JPH3: variants seen among roughly 807,000 people sequenced by gnomAD.
JPH3 encodes junctophilin 3.
JPH3 carries 11 observed loss-of-function variants against 59.6 expected under a neutral mutation model. The ratio of observed to expected loss-of-function variants is 0.18; its 90% CI spans 0.12 to 0.31. The LOEUF (loss-of-function observed/expected upper bound fraction) is 0.31. Among genes scored for constraint, JPH3 ranks in the 10% least tolerant of loss-of-function variants. JPH3 has a pLI of 1.00. For synonymous variants in JPH3, 673 were observed against 483.6 expected, an observed-to-expected ratio of 1.39 and a Z score of -5.14; for missense variants, 1,202 against 1,105.7, an observed-to-expected ratio of 1.09 and a Z score of -1.24.
intron 1 of JPH3, among the ~76,000 whole-genome samples, chr16:87,609,042 A>G (rs1377296730): frequency 1.3e-5 from 2 of 152,182 alleles, no homozygotes; most frequent in Non-Finnish European, 2.9e-5. Context: ...TCTCAAAAGA[A>G]AAAGAAGAAG....
At chr16:87,643,542 C>G (rs2150844673) in intron 1 of JPH3, among the ~76,000 whole-genome samples, 1 of 152,326 alleles carries the variant, frequency 6.6e-6, no homozygotes, top group African/African-American at 2.4e-5. Flanking sequence ...CCAGAGCAGC[C>G]CATTCAGGGC....
intron 2 of JPH3, among the ~76,000 whole-genome samples, chr16:87,683,031 C>T (rs1234959207): frequency 6.6e-6 from 1 of 152,256 alleles, no homozygotes; most frequent in African/African-American, 2.4e-5. Context: ...TGCCCGGCTG[C>T]CCACAGGTAC....
At chr16:87,672,508 G>T (rs970800271) in intron 2 of JPH3, among the ~76,000 whole-genome samples, 2 of 152,242 alleles carry the variant, frequency 1.3e-5, no homozygotes, top group African/African-American at 4.8e-5. Flanking sequence ...CATGACGGGG[G>T]TGGACAGACT....
chr16:87,673,344 A>G (rs2033065756), intron 2 of JPH3, among the ~76,000 whole-genome samples: 1 of 151,790 alleles, frequency 6.6e-6, no homozygotes, highest in Admixed American at 6.6e-5. Context: ...CTACTGAATT[A>G]CAGAAGATGC....
chr16:87,695,587 C>A (rs1277393684), intron 4 of JPH3: 3 of 455,750 alleles, frequency 6.6e-6, no homozygotes, highest in African/African-American at 6.0e-5. Context: ...GTGGGCAAGA[C>A]TGGAGTGGGT....
chr16:87,630,179 C>T (rs145868673), intron 1 of JPH3, among the ~76,000 whole-genome samples: 39 of 152,254 alleles, frequency 2.6e-4, no homozygotes, highest in Admixed American at 8.5e-4. Context: ...ACTGGCCTTC[C>T]GAATCCCTTC....
rs930514942 is a variant in JPH3 at position 87,697,158 on chromosome 16, A to G, written c.*498A>G. 2.1e-4 allele frequency: 39 copies of G among 188,712 alleles called. No homozygotes were observed. The highest frequency in any genetic ancestry group is 2.3e-4 in the Non-Finnish European group (21 of 89,744). 11.7% of individuals were successfully genotyped at this position (188,712 alleles called of 1,614,324 possible). ...CAAGTATGGGCAGGAGGCATGGGGC[A>G]GGGTGGCCCACCCCAGTGGGCAGTA... is the stretch of plus-strand genomic sequence containing the variant. On this transcript the variant is annotated 3_prime_UTR_variant, in exon 5 of 5. Transcript: ENST00000284262.
chr16:87,645,692 C>CT (rs1431797367), intron 2 of JPH3, among the ~76,000 whole-genome samples: 5 of 152,114 alleles, frequency 3.3e-5, no homozygotes, highest in Non-Finnish European at 4.4e-5. Flanking sequence ...ATCGACGTGG[C>CT]TTTTGGGTAC....
At chr16:87,641,140 C>G (rs1396395214) in intron 1 of JPH3, among the ~76,000 whole-genome samples, 1 of 152,224 alleles carries the variant, frequency 6.6e-6, no homozygotes, top group African/African-American at 2.4e-5. Flanking sequence ...GTGCTGGGAC[C>G]TCTGGGCAAG....
At chr16:87,618,551 G>A (rs2031057289) in intron 1 of JPH3, among the ~76,000 whole-genome samples, 1 of 152,170 alleles carries the variant, frequency 6.6e-6, no homozygotes, top group South Asian at 2.1e-4. Context: ...GACTGACAGT[G>A]TTCGGCACTA....
rs549637255 is a variant in JPH3, at chr16:87,688,974, G to A, written c.1286-672G>A. On this transcript the variant is annotated intron_variant, in intron 3 of 4. Coordinates refer to ENST00000284262, the MANE Select transcript of JPH3 (RefSeq NM_020655.4). The stretch of plus-strand genomic sequence containing the variant: ...CTGCCCCTCCCTATCCAGGCCTCCG[G>A]GTGGGGGCTGATGGGGACTGAGCCA... Among the ~76,000 whole-genome samples the A allele has an allele frequency of 5.9e-5, 9 of 152,190 alleles. No homozygotes were observed. The South Asian group carries it at 1.7e-3, about 28-fold the overall frequency.
At chr16:87,657,271 T>A (rs757825679) in intron 2 of JPH3, among the ~76,000 whole-genome samples, 4 of 152,186 alleles carry the variant, frequency 2.6e-5, no homozygotes, top group Non-Finnish European at 5.9e-5. Flanking sequence ...ACGGCATGAA[T>A]GAGCCAGAGA....
chr16:87,688,549 G>A (rs1015384513), intron 3 of JPH3, among the ~76,000 whole-genome samples: 1 of 151,854 alleles, frequency 6.6e-6, no homozygotes, highest in Non-Finnish European at 1.5e-5. Flanking sequence ...ATGTCCGAGC[G>A]TGAGAGACTC....
intron 2 of JPH3, among the ~76,000 whole-genome samples, chr16:87,659,856 G>A (rs2032644288): frequency 6.6e-6 from 1 of 152,116 alleles, no homozygotes; most frequent in Non-Finnish European, 1.5e-5. Context: ...TGACACCCTG[G>A]ACCCTTGAAA....
In JPH3 at chr16:87,617,698, TTG is replaced by T. The variant is rs1288519591; in HGVS notation, c.382+14171_382+14172del. Among the ~76,000 whole-genome samples, 4 of 151,922 alleles carry T rather than the reference TTG, an allele frequency of 2.6e-5. No individual in the cohort carries two copies. The East Asian group carries it at 7.7e-4, about 29-fold the overall frequency. ...AGTCTGGGACTGGGTGGTCCTGTCT[TTG>T]AGGGAATTTGGAGAAGGAGCAGGTG... On this transcript the variant is annotated intron_variant, in intron 1 of 4. Coordinates refer to ENST00000284262, the MANE Select transcript of JPH3 (RefSeq NM_020655.4).
At chr16:87,672,363 C>T (rs1326663928) in intron 2 of JPH3, among the ~76,000 whole-genome samples, 1 of 152,198 alleles carries the variant, frequency 6.6e-6, no homozygotes. Flanking sequence ...GGCCCTGCTC[C>T]CAGACCCCCG....
Position 87,696,745 on chromosome 16 carries a change from C to G in JPH3, c.*85C>G, listed in dbSNP as rs1190462801. ...AGCAAAACCACAAGAAGGGAAAGACCGCAACTCGGACAGCCCAGCGACTTC... is the reference window on the plus strand; with the variant it reads ...AGCAAAACCACAAGAAGGGAAAGACGGCAACTCGGACAGCCCAGCGACTTC... On this transcript the variant is annotated 3_prime_UTR_variant, in exon 5 of 5. Coordinates refer to ENST00000284262, the MANE Select transcript of JPH3 (RefSeq NM_020655.4). 4 of 1,127,968 alleles carry G rather than the reference C, an allele frequency of 3.5e-6. No individual in the cohort carries two copies. The highest frequency in any genetic ancestry group is 1.8e-5 in the Admixed American group (1 of 55,570). The allele number at this position is 1,127,968 out of a possible 1,614,324, so 69.9% of individuals were successfully genotyped here.
intron 3 of JPH3, among the ~76,000 whole-genome samples, chr16:87,685,484 C>T (rs969714790): frequency 9.8e-5 from 15 of 152,384 alleles, no homozygotes; most frequent in African/African-American, 3.4e-4. Context: ...CTCCTTGCCT[C>T]GCCCACGACC....
At chr16:87,608,373 C>T (rs748664414) in intron 1 of JPH3, among the ~76,000 whole-genome samples, 1 of 152,292 alleles carries the variant, frequency 6.6e-6, no homozygotes, top group Non-Finnish European at 1.5e-5. Flanking sequence ...GACAAAAAGA[C>T]TTGTGAGTAC....
Sources: gnomAD v4.1 joint callset for allele counts (sites outside exome capture counted in the v4.1 genomes callset) on GRCh38, gnomAD v4.1.1 for gene constraint, MANE v1.5 for transcripts, NCBI Gene and HGNC (gene_info 2026-07-23, HGNC 2026-07-21) for gene names.